The following ASCC3 variants were observed in gnomAD, a reference collection of about 807,000 sequenced individuals.
ASCC3 encodes the protein activating signal cointegrator 1 complex subunit 3.
A neutral mutation model predicts 256.3 loss-of-function variants in ASCC3; 158 were observed. The ratio of observed to expected loss-of-function variants is 0.62; its 90% CI spans 0.54 to 0.70. The LOEUF is 0.70. Among genes scored for constraint, ASCC3 ranks in the 30% least tolerant of loss-of-function variants. The pLI, the probability that ASCC3 is intolerant of heterozygous loss-of-function variation, is 0.00. For synonymous variants in ASCC3, 948 were observed against 883.4 expected (o/e 1.07, Z -1.30); for missense variants, 2,259 against 2,626.0 (o/e 0.86, Z 3.05).
chr6:100,736,955 C>G (rs1243010364), intron 10 of ASCC3, among the ~76,000 whole-genome samples: 1 of 152,154 alleles, frequency 6.6e-6, no homozygotes, highest in African/African-American at 2.4e-5. Context: ...CAAGACCAGC[C>G]TGGGCAATAC....
chr6:100,628,951 A>G lies in ASCC3; in HGVS notation c.4375+64T>C, dbSNP rs1422336483. ...TAAATATTACATGCAAATTAAAAATACTAATAATTAATATTTTACAAAGTT... is the reference window on the plus strand; with the variant it reads ...TAAATATTACATGCAAATTAAAAATGCTAATAATTAATATTTTACAAAGTT... On this transcript the variant is annotated intron_variant, in intron 27 of 41. Coordinates refer to ENST00000369162, the MANE Select transcript of ASCC3 (RefSeq NM_006828.4). 17 of 1,399,152 alleles carry G rather than the reference A, an allele frequency of 1.2e-5. No individual in the cohort carries two copies. The Admixed American group carries it at 3.1e-4, about 25-fold the overall frequency. 86.7% of individuals were successfully genotyped at this position (1,399,152 alleles called of 1,614,324 possible).
intron 36 of ASCC3, among the ~76,000 whole-genome samples, chr6:100,575,794 G>A (rs1474963809): frequency 1.3e-5 from 2 of 151,868 alleles, no homozygotes; most frequent in African/African-American, 4.8e-5. Flanking sequence ...CAATATTATA[G>A]CAGCATATTC....
chr6:100,662,543 A>G lies in ASCC3; in HGVS notation c.2287-7T>C. On this transcript the variant is annotated splice_region_variant and splice_polypyrimidine_tract_variant and intron_variant, in intron 14 of 41. Coordinates refer to ENST00000369162, the MANE Select transcript of ASCC3 (RefSeq NM_006828.4). ...TATTTCTCGACCTTTGTACCTAGAT[A>G]CCAAGAAAGCGTAAGAGTATTATTT... The G allele has an allele frequency of 6.2e-7, 1 of 1,612,290 alleles. No individual in the cohort carries two copies. Among genetic ancestry groups the G allele is most frequent in the Non-Finnish European group, 8.5e-7 (1 of 1,178,760 alleles).
Position 100,549,662 on chromosome 6 carries a change from C to G in ASCC3, c.5551-9275G>C, listed in dbSNP as rs540571260. 4.6e-4 allele frequency among the ~76,000 whole-genome samples: 70 copies of G among 151,824 alleles called. 1 individual carries two copies. Among genetic ancestry groups the G allele is most frequent in the Admixed American group, 1.9e-3 (29 of 15,210 alleles). On this transcript the variant is annotated intron_variant, in intron 36 of 41. Coordinates refer to ENST00000369162, the MANE Select transcript of ASCC3 (RefSeq NM_006828.4). ...CAGAAAGTTCACTTATTTTCCCAGC[C>G]TTGCCAACTGGTTTAAGAAAAATGT...
chr6:100,629,625 T>A (rs1358221147), intron 26 of ASCC3, among the ~76,000 whole-genome samples: 3 of 152,142 alleles, frequency 2.0e-5, no homozygotes, highest in Non-Finnish European at 2.9e-5. Context: ...TAATTAAAAT[T>A]ATGTGTAATT....
chr6:100,840,980 T>C (rs1772117664), intron 4 of ASCC3, among the ~76,000 whole-genome samples: 2 of 152,152 alleles, frequency 1.3e-5, no homozygotes, highest in African/African-American at 2.4e-5. Context: ...AATAAAATAC[T>C]GTGGCTTCAT....
chr6:100,594,409 A>G (rs1772172392), intron 34 of ASCC3, among the ~76,000 whole-genome samples: 1 of 152,160 alleles, frequency 6.6e-6, no homozygotes. Context: ...TAGCATTTTA[A>G]AAAATTTTAT....
intron 10 of ASCC3, among the ~76,000 whole-genome samples, chr6:100,746,763 T>C (rs1780699729): frequency 6.6e-6 from 1 of 152,116 alleles, no homozygotes; most frequent in African/African-American, 2.4e-5. Context: ...AAGAACAAGT[T>C]GGAAGACTTA....
intron 10 of ASCC3, among the ~76,000 whole-genome samples, chr6:100,735,623 C>T (rs35168784): frequency 0.47 from 71,169 of 151,830 alleles, 16,833 homozygotes; most frequent in South Asian, 0.6. Context: ...TTAAAATGCA[C>T]AAACCCTACA....
intron 4 of ASCC3, among the ~76,000 whole-genome samples, chr6:100,815,376 A>C (rs1183569659): frequency 1.3e-5 from 2 of 152,006 alleles, no homozygotes; most frequent in Non-Finnish European, 2.9e-5. Flanking sequence ...TTCTTAGGAA[A>C]GTATGAATCA....
intron 36 of ASCC3, among the ~76,000 whole-genome samples, chr6:100,551,375 A>G (rs942739855): frequency 4.6e-5 from 7 of 151,950 alleles, no homozygotes; most frequent in Admixed American, 1.3e-4. Context: ...ACATATAATA[A>G]TAGTGGGCAT....
chr6:100,776,421 T>TA (rs903836754), intron 8 of ASCC3, among the ~76,000 whole-genome samples: 1 of 152,094 alleles, frequency 6.6e-6, no homozygotes, highest in African/African-American at 2.4e-5. Context: ...TTTTAAGTGT[T>TA]ACAAGCTTCA....
intron 37 of ASCC3, among the ~76,000 whole-genome samples, chr6:100,523,832 A>G (rs912888662): frequency 6.6e-6 from 1 of 152,176 alleles, no homozygotes; most frequent in Non-Finnish European, 1.5e-5. Flanking sequence ...AAGCTTGACA[A>G]CGTATCTTCT....
chr6:100,707,845 T>G (rs1373139750), intron 13 of ASCC3, among the ~76,000 whole-genome samples: 1 of 152,096 alleles, frequency 6.6e-6, no homozygotes, highest in African/African-American at 2.4e-5. Context: ...AAATTGCAGT[T>G]CCTTATATCT....
chr6:100,642,740 T>C lies in ASCC3; in HGVS notation c.3742A>G (p.Lys1248Glu), dbSNP rs1279130494. Residue 1248 changes from lysine (K) to glutamate (E), a missense_variant, in exon 24 of 42, where the codon AAA becomes GAA. Physicochemically the swap from Lys to Glu is moderately conservative, Grantham distance 56 (BLOSUM62 1). Coordinates refer to ENST00000369162, the MANE Select transcript of ASCC3 (RefSeq NM_006828.4). ...GTAAATACCAGTAGTTGGGCTTCTT[T>C]ACTAATGACCTAATATGAAATACAG... ...FLALKKQVIS[K>E]EAQLLVFTIP... 6.2e-7 allele frequency: 1 copy of C among 1,612,970 alleles called. No homozygotes were observed. The highest frequency in any genetic ancestry group is 1.1e-5 in the South Asian group (1 of 91,050).
intron 10 of ASCC3, among the ~76,000 whole-genome samples, chr6:100,758,926 T>C (rs1781309294): frequency 6.6e-6 from 1 of 152,228 alleles, no homozygotes; most frequent in Non-Finnish European, 1.5e-5. Context: ...TTTTTAATAA[T>C]TGCCATTCTG....
At chr6:100,701,084 T>C (rs1360229495) in intron 13 of ASCC3, among the ~76,000 whole-genome samples, 2 of 152,184 alleles carry the variant, frequency 1.3e-5, no homozygotes, top group African/African-American at 4.8e-5. Context: ...CCATGTTTCA[T>C]GGGAGGAACC....
At chr6:100,715,927 C>T (rs1779067747) in intron 12 of ASCC3, among the ~76,000 whole-genome samples, 1 of 151,760 alleles carries the variant, frequency 6.6e-6, no homozygotes, top group Non-Finnish European at 1.5e-5. Context: ...GCACACCTTT[C>T]CTGTATGATT....
intron 36 of ASCC3, among the ~76,000 whole-genome samples, chr6:100,563,252 A>G (rs893693579): frequency 6.6e-6 from 1 of 151,596 alleles, no homozygotes; most frequent in Non-Finnish European, 1.5e-5. Context: ...GATTTCTTCA[A>G]CTCTTTTTTG....
Sources: allele counts gnomAD v4.1 joint callset (sites outside exome capture counted in the v4.1 genomes callset), GRCh38; gene constraint gnomAD v4.1.1; transcripts MANE v1.5; gene names NCBI Gene and HGNC (gene_info 2026-07-23, HGNC 2026-07-21).